KCND2: variants seen among roughly 807,000 people sequenced by gnomAD.
KCND2 encodes the protein potassium voltage-gated channel subfamily D member 2.
Under a neutral mutation model 54.4 loss-of-function variants are expected in KCND2, and 16 were observed. The ratio of observed to expected loss-of-function variants is 0.29; its 90% CI spans 0.20 to 0.45. KCND2 has a LOEUF of 0.45. KCND2 is among the 20% of genes least tolerant of loss of function. The pLI is 1.00. For missense variants in KCND2, 486 were observed against 824.2 expected, an observed-to-expected ratio of 0.59 and a Z score of 5.02; for synonymous variants, 317 against 310.7, an observed-to-expected ratio of 1.02 and a Z score of -0.21.
intron 1 of KCND2, among the ~76,000 whole-genome samples, chr7:120,407,551 C>G (rs1001482657): frequency 2.6e-5 from 4 of 151,888 alleles, no homozygotes; most frequent in Non-Finnish European, 5.9e-5. Flanking sequence ...AATATACTCT[C>G]CTTTCTGTGC....
At chr7:120,602,023 A>G (rs1466684084) in intron 1 of KCND2, among the ~76,000 whole-genome samples, 2 of 152,234 alleles carry the variant, frequency 1.3e-5, no homozygotes, top group East Asian at 1.9e-4. Context: ...GATCTGCAGC[A>G]GCAGCCATCA....
chr7:120,557,355 A>G (rs1792178245), intron 1 of KCND2, among the ~76,000 whole-genome samples: 1 of 152,102 alleles, frequency 6.6e-6, no homozygotes, highest in Admixed American at 6.6e-5. Flanking sequence ...CAGTCTCCCT[A>G]TGATTTATTG....
At chr7:120,378,143 G>A (rs1045408587) in intron 1 of KCND2, among the ~76,000 whole-genome samples, 4 of 151,872 alleles carry the variant, frequency 2.6e-5, no homozygotes, top group Admixed American at 6.6e-5. Context: ...GTATATACGT[G>A]TGTATTTGTG....
At chr7:120,644,036 G>T (rs1793408440) in intron 1 of KCND2, among the ~76,000 whole-genome samples, 1 of 151,944 alleles carries the variant, frequency 6.6e-6, no homozygotes, top group South Asian at 2.1e-4. Flanking sequence ...TTTGGTGAAA[G>T]TGTGTGTGTA....
chr7:120,294,909 TTTAA>T (rs1799487016), intron 1 of KCND2, among the ~76,000 whole-genome samples: 1 of 151,876 alleles, frequency 6.6e-6, no homozygotes, highest in African/African-American at 2.4e-5. Context: ...GCAATGTATC[TTTAA>T]TTATCTTTTA....
At chr7:120,438,135 A>C (rs541898415) in intron 1 of KCND2, among the ~76,000 whole-genome samples, 2 of 152,358 alleles carry the variant, frequency 1.3e-5, no homozygotes, top group Admixed American at 1.3e-4. Flanking sequence ...TATCACAACA[A>C]AGGTGTTCAT....
intron 1 of KCND2, among the ~76,000 whole-genome samples, chr7:120,568,683 C>A (rs1792327895): frequency 6.6e-6 from 1 of 152,058 alleles, no homozygotes; most frequent in African/African-American, 2.4e-5. Flanking sequence ...TCTAACTTCC[C>A]TTGATTTGTT....
chr7:120,644,025 C>A (rs1031542844), intron 1 of KCND2, among the ~76,000 whole-genome samples: 2 of 151,946 alleles, frequency 1.3e-5, no homozygotes, highest in African/African-American at 4.8e-5. Flanking sequence ...TCAAAATGAA[C>A]TTTGGTGAAA....
intron 1 of KCND2, among the ~76,000 whole-genome samples, chr7:120,384,196 TTCA>T (rs1800955390): frequency 6.6e-6 from 1 of 151,700 alleles, no homozygotes; most frequent in East Asian, 1.9e-4. Context: ...TAGCGATATT[TTCA>T]TTGTTTTTTT....
At chr7:120,355,822 C>T (rs1374422873) in intron 1 of KCND2, among the ~76,000 whole-genome samples, 4 of 152,134 alleles carry the variant, frequency 2.6e-5, no homozygotes, top group Non-Finnish European at 4.4e-5. Context: ...GAAACCATGT[C>T]GTCATCGAAA....
chr7:120,317,697 T>C (rs748871067), intron 1 of KCND2, among the ~76,000 whole-genome samples: 4 of 152,212 alleles, frequency 2.6e-5, no homozygotes, highest in Non-Finnish European at 5.9e-5. Flanking sequence ...CTCTATGATA[T>C]GGCTGAGATT....
chr7:120,734,293 A>G (rs1444954632), intron 2 of KCND2, among the ~76,000 whole-genome samples: 1 of 152,150 alleles, frequency 6.6e-6, no homozygotes, highest in Admixed American at 6.6e-5. Flanking sequence ...TTCACTATGC[A>G]TAGAGAAACC....
intron 1 of KCND2, among the ~76,000 whole-genome samples, chr7:120,302,395 G>A (rs1799599653): frequency 6.6e-6 from 1 of 152,136 alleles, no homozygotes; most frequent in Non-Finnish European, 1.5e-5. Flanking sequence ...AAATACTGGA[G>A]ACTAGCGGTG....
At chr7:120,719,695 A>T (rs1297412555) in intron 1 of KCND2, among the ~76,000 whole-genome samples, 1 of 152,148 alleles carries the variant, frequency 6.6e-6, no homozygotes, top group Non-Finnish European at 1.5e-5. Context: ...GCCAAAATAA[A>T]ACAACAAGCA....
intron 2 of KCND2, among the ~76,000 whole-genome samples, chr7:120,741,129 T>TA (rs1393130721): frequency 7.9e-5 from 12 of 152,144 alleles, no homozygotes; most frequent in Non-Finnish European, 1.5e-4. Flanking sequence ...GACATTAGTT[T>TA]AAACGAAAAG....
chr7:120,638,661 T>C (rs1478587666), intron 1 of KCND2, among the ~76,000 whole-genome samples: 1 of 152,140 alleles, frequency 6.6e-6, no homozygotes, highest in Admixed American at 6.6e-5. Context: ...ATTTTGAGAA[T>C]AATAAGTCCC....
At chr7:120,659,635 A>T (rs1197669995) in intron 1 of KCND2, among the ~76,000 whole-genome samples, 1 of 152,206 alleles carries the variant, frequency 6.6e-6, no homozygotes, top group Non-Finnish European at 1.5e-5. Context: ...GTAAATTTGC[A>T]ACTGTCCTCT....
At chr7:120,360,971 A>G (rs534607269) in intron 1 of KCND2, among the ~76,000 whole-genome samples, 3 of 152,246 alleles carry the variant, frequency 2.0e-5, no homozygotes, top group East Asian at 3.9e-4. Flanking sequence ...TGCAGGCAAT[A>G]TAGTATATAT....
intron 1 of KCND2, among the ~76,000 whole-genome samples, chr7:120,388,915 T>C (rs911422458): frequency 1.9e-4 from 28 of 147,606 alleles, no homozygotes; most frequent in African/African-American, 6.9e-4. Flanking sequence ...TACACACACA[T>C]ACATACATAT....
Sources: allele counts gnomAD v4.1 joint callset (sites outside exome capture counted in the v4.1 genomes callset), GRCh38; gene constraint gnomAD v4.1.1; transcripts MANE v1.5; gene names NCBI Gene and HGNC (gene_info 2026-07-23, HGNC 2026-07-21).